The following COL18A1 variants were observed in gnomAD, a reference collection of about 807,000 sequenced individuals.
COL18A1 encodes collagen alpha-1(XVIII) chain.
Under a neutral mutation model 168.0 loss-of-function variants are expected in COL18A1, and 133 were observed. The observed-to-expected ratio is 0.79, with a 90% CI of 0.69 to 0.91. The LOEUF (loss-of-function observed/expected upper bound fraction) is 0.91. COL18A1 is among the 40% of genes least tolerant of loss of function. The pLI is 0.00. For synonymous variants in COL18A1, 949 were observed against 809.0 expected, an observed-to-expected ratio of 1.17 and a Z score of -2.94; for missense variants, 2,126 against 1,925.4, an observed-to-expected ratio of 1.10 and a Z score of -1.95.
chr21:45,459,565 G>A (rs1030488207), intron 2 of COL18A1, among the ~76,000 whole-genome samples: 3 of 152,244 alleles, frequency 2.0e-5, no homozygotes, highest in African/African-American at 7.2e-5. Context: ...CGAGGAGAGT[G>A]TGGGGGACAG....
intron 2 of COL18A1, among the ~76,000 whole-genome samples, chr21:45,452,022 G>A (rs184661757): frequency 1.3e-5 from 2 of 152,226 alleles, no homozygotes; most frequent in African/African-American, 2.4e-5. Flanking sequence ...AGGAGGCACC[G>A]AGGAGCCGCA....
At chr21:45,421,776 G>A (rs1410944125) in intron 2 of COL18A1, among the ~76,000 whole-genome samples, 1 of 152,132 alleles carries the variant, frequency 6.6e-6, no homozygotes, top group Non-Finnish European at 1.5e-5. Flanking sequence ...ACCACCGAGT[G>A]GAGAGAACCT....
chr21:45,494,844 GC>G lies in COL18A1; in HGVS notation c.2380-13del. 1.9e-6 allele frequency: 3 copies of G among 1,603,594 alleles called. No individual in the cohort carries two copies. The highest frequency in any genetic ancestry group is 1.1e-5 in the South Asian group (1 of 89,590). ...GCCAGGGTCTGCCCCACTAAGCCTG[GC>G]CCCCTTCCTCTTGCAGGGTCCATAC... On this transcript the variant is annotated splice_polypyrimidine_tract_variant and intron_variant, in intron 27 of 41. Transcript: ENST00000651438.
intron 4 of COL18A1, among the ~76,000 whole-genome samples, chr21:45,475,150 C>A (rs1602477844): frequency 6.6e-6 from 1 of 152,218 alleles, no homozygotes; most frequent in South Asian, 2.1e-4. Context: ...GCGGTGCGGC[C>A]TCCTCCAGGG....
At chr21:45,411,763 G>A (rs1466619321) in intron 2 of COL18A1, among the ~76,000 whole-genome samples, 1 of 137,066 alleles carries the variant, frequency 7.3e-6, no homozygotes, top group Admixed American at 7.2e-5. Context: ...TGATGGCGGG[G>A]GGTGGGGGGG....
In COL18A1 at chr21:45,475,502, C is replaced by A. The variant is rs754981185; in HGVS notation, c.765C>A (p.Leu255=). 6.2e-7 allele frequency: 1 copy of A among 1,606,430 alleles called. No individual in the cohort carries two copies. Residue 255 remains leucine (L), a synonymous_variant, in exon 5 of 42, where the codon CTC becomes CTA. Coordinates refer to ENST00000651438, the MANE Select transcript of COL18A1 (RefSeq NM_001379500.1). The stretch of plus-strand genomic sequence containing the variant: ...CATCCGGAGACTCTGGCAGCGGGCT[C>A]GGGGACGCCCGGGAGCTTCTCAGGG... ...DGASGDSGSG[L]GDARELLREE...
intron 2 of COL18A1, among the ~76,000 whole-genome samples, chr21:45,435,646 G>T (rs1164356232): frequency 6.6e-6 from 1 of 152,164 alleles, no homozygotes; most frequent in African/African-American, 2.4e-5. Flanking sequence ...GGGTCAGGGA[G>T]CAGGAAGTGA....
intron 2 of COL18A1, among the ~76,000 whole-genome samples, chr21:45,410,935 A>T (rs1163440113): frequency 2.0e-5 from 3 of 151,992 alleles, no homozygotes; most frequent in Non-Finnish European, 4.4e-5. Context: ...TCGTCTGGAC[A>T]CACCTGGGCA....
chr21:45,496,191 G>A (rs2036538125), intron 29 of COL18A1: 2 of 557,890 alleles, frequency 3.6e-6, no homozygotes, highest in South Asian at 3.2e-5. Context: ...CAAGAGCTTT[G>A]TCTCCCTGAT....
In COL18A1 at chr21:45,498,524, G is replaced by A. The variant is rs778366005; in HGVS notation, c.2683+863G>A. On this transcript the variant is annotated intron_variant, in intron 32 of 41. Coordinates refer to ENST00000651438, the MANE Select transcript of COL18A1 (RefSeq NM_001379500.1). The surrounding 1 kb of genome is among the most constrained non-coding windows in gnomAD (Gnocchi z 4.5). ...GCCAGGGTCCTCTGCAGAGGAGGCC[G>A]CCATACCTGCTCTTGCTGGGGCTGC... The A allele has an allele frequency of 5.9e-5, 42 of 716,420 alleles. No homozygotes were observed. Among genetic ancestry groups the A allele is most frequent in the South Asian group, 4.0e-4 (27 of 67,556 alleles). 44.4% of individuals were successfully genotyped at this position (716,420 alleles called of 1,614,324 possible).
At chr21:45,455,358 C>T in intron 2 of COL18A1, 3 of 901,264 alleles carry the variant, frequency 3.3e-6, no homozygotes, top group Non-Finnish European at 1.7e-6. Context: ...TGCTGGGCAC[C>T]TTGATTCCAA....
intron 2 of COL18A1, among the ~76,000 whole-genome samples, chr21:45,442,664 C>CGGT (rs1375955623): frequency 9.2e-6 from 1 of 108,164 alleles, no homozygotes; most frequent in Non-Finnish European, 1.9e-5. Flanking sequence ...CTGGTGTGGG[C>CGGT]GGCGGTCCTG....
intron 17 of COL18A1, 63 bp from the exon 18 acceptor site, chr21:45,488,355 G>T: frequency 6.2e-7 from 1 of 1,611,360 alleles, no homozygotes; most frequent in East Asian, 2.2e-5. Flanking sequence ...TTTTCTTGCG[G>T]CAGACGCATC....
rs2033772851 is a variant in COL18A1, at chr21:45,425,565, G to A, written c.106+20092G>A. Among the ~76,000 whole-genome samples the A allele has an allele frequency of 6.6e-6, 1 of 152,232 alleles. No individual in the cohort carries two copies. Among genetic ancestry groups the A allele is most frequent in the African/African-American group, 2.4e-5 (1 of 41,460 alleles). ...ACTGCACAGCTACCTCCCGTGGGCT[G>A]CCCTGTGAGGTGTGGAGCTGGGCTG... On this transcript the variant is annotated intron_variant, in intron 2 of 41. Coordinates refer to ENST00000651438, the MANE Select transcript of COL18A1 (RefSeq NM_001379500.1). The surrounding 1 kb of genome is among the most constrained non-coding windows in gnomAD (Gnocchi z 4.1).
intron 2 of COL18A1, among the ~76,000 whole-genome samples, chr21:45,439,236 T>C (rs368915193): frequency 1.8e-4 from 27 of 152,368 alleles, no homozygotes; most frequent in South Asian, 1.7e-3. Flanking sequence ...GGGAGGGGCC[T>C]GCTCTTCCGC....
chr21:45,480,192 C>A, intron 11 of COL18A1, 36 bp downstream of exon 11: 2 of 1,276,880 alleles, frequency 1.6e-6, no homozygotes, highest in Non-Finnish European at 1.1e-6. Flanking sequence ...GACCCGGGGT[C>A]TGCCCTCCTC....
intron 2 of COL18A1, among the ~76,000 whole-genome samples, chr21:45,455,233 C>G (rs1222421371): frequency 6.6e-6 from 1 of 152,362 alleles, no homozygotes; most frequent in East Asian, 1.9e-4. Flanking sequence ...CCTAGCGGAG[C>G]ACGTTGGGAA....
intron 2 of COL18A1, among the ~76,000 whole-genome samples, chr21:45,454,272 G>A (rs945797056): frequency 6.6e-5 from 10 of 152,146 alleles, no homozygotes; most frequent in South Asian, 6.2e-4. Context: ...GCAATCGACC[G>A]ATGGCTACAG....
Position 45,476,429 on chromosome 21 carries a change from G to T in COL18A1, c.877G>T (p.Asp293Tyr). The T allele has an allele frequency of 6.2e-7, 1 of 1,614,140 alleles. No homozygotes were observed. Residue 293 changes from aspartate (D) to tyrosine (Y), a missense_variant, in exon 6 of 42, where the codon GAT (aspartate) becomes TAT (tyrosine). Physicochemically the swap from Asp to Tyr is radical, Grantham distance 160. Transcript: ENST00000651438. ...CTTGGCTGGAGGCAGCAGCACGGAA[G>T]ATTCCAGAAGTGAAGAAGTCGAGGA... ...PPLAGGSSTEDSRSEEVEEQT... is the reference protein window; with the variant it reads ...PPLAGGSSTEYSRSEEVEEQT...
Sources: allele counts gnomAD v4.1 joint callset (sites outside exome capture counted in the v4.1 genomes callset), GRCh38; gene constraint gnomAD v4.1.1; non-coding constraint Gnocchi (gnomAD v3.1); transcripts MANE v1.5; gene names NCBI Gene and HGNC (gene_info 2026-07-23, HGNC 2026-07-21).